The following KDM3A variants were observed in gnomAD, a reference collection of about 807,000 sequenced individuals.
The protein encoded by KDM3A is lysine demethylase 3A.
In KDM3A, 60 loss-of-function variants were observed where a neutral mutation model predicts 158.0. That is an observed-to-expected ratio of 0.38 (90% CI 0.31 to 0.47). KDM3A has a LOEUF of 0.47. KDM3A is among the 20% of genes least tolerant of loss of function. KDM3A has a pLI of 0.99. For missense variants in KDM3A, 1,319 were observed against 1,574.3 expected (o/e 0.84, Z 2.74); for synonymous variants, 608 against 549.3 (o/e 1.11, Z -1.49).
intron 15 of KDM3A, 142 bp downstream of exon 15, chr2:86,478,877 T>G (rs1411271771): frequency 3.9e-6 from 3 of 769,692 alleles, no homozygotes; most frequent in East Asian, 5.3e-5. Context: ...AAAGAATTCA[T>G]ACAGTTCATG....
At chr2:86,491,446 CAA>C in intron 25 of KDM3A, 171 bp downstream of exon 25, 1 of 632,120 alleles carries the variant, frequency 1.6e-6, no homozygotes, top group Middle Eastern at 4.4e-4. Context: ...GAGGGAGGAA[CAA>C]GAGGAAATCT....
chr2:86,441,044 A>C (rs1682672577), upstream of KDM3A: 1 of 152,434 alleles, frequency 6.6e-6, no homozygotes, highest in African/African-American at 2.4e-5. Flanking sequence ...CAAAGTTGAT[A>C]ACCGATTTCG....
intron 10 of KDM3A, among the ~76,000 whole-genome samples, chr2:86,468,095 C>T (rs1673238133): frequency 1.3e-5 from 2 of 152,184 alleles, no homozygotes; most frequent in Admixed American, 6.6e-5. Context: ...ATGAATATAT[C>T]TACACTATCT....
intron 20 of KDM3A, among the ~76,000 whole-genome samples, chr2:86,485,290 C>T (rs1424341915): frequency 2.6e-5 from 4 of 152,294 alleles, no homozygotes; most frequent in Admixed American, 6.5e-5. Context: ...AGAAGAGGCT[C>T]ACTTTTTCTT....
Position 86,481,950 on chromosome 2 carries a change from A to G in KDM3A, c.2533A>G (p.Ile845Val). 1 of 1,610,714 alleles carries G rather than the reference A, an allele frequency of 6.2e-7. No individual in the cohort carries two copies. Among genetic ancestry groups the G allele is most frequent in the South Asian group, 1.1e-5 (1 of 89,914 alleles). Reference protein sequence around the residue: ...ENKEKQPTMPILKNEIKCLPP... With the variant: ...ENKEKQPTMPVLKNEIKCLPP... The stretch of plus-strand genomic sequence containing the variant: ...TTTAGAAAAACAACCAACAATGCCA[A>G]TTTTAAAGAATGAAATCAAATGCCT... Residue 845 changes from isoleucine to valine, a missense_variant, in exon 17 of 26, where the codon ATT becomes GTT. Physicochemically the swap from Ile to Val is conservative, Grantham distance 29. This residue lies in a region of KDM3A where 368 missense variants were observed against 415.8 expected (regional missense o/e 0.89). Transcript: ENST00000312912.
chr2:86,482,542 T>C lies in KDM3A; in HGVS notation c.2770T>C (p.Ser924Pro), dbSNP rs777205065. ...LVQNKTTSDL[S>P]KRPQGLTIKP... ...GCAAAATAAGACGACTTCTGATTTA[T>C]CTAAGAGGCCTCAAGGACTAACCAT... Residue 924 changes from serine to proline, a missense_variant, in exon 18 of 26, where the codon TCT (serine) becomes CCT (proline). Ser to Pro is a moderately conservative substitution (Grantham distance 74). This residue lies in a region of KDM3A where 368 missense variants were observed against 415.8 expected (regional missense o/e 0.89). Coordinates refer to ENST00000312912, the MANE Select transcript of KDM3A (RefSeq NM_018433.6). 1.2e-5 allele frequency: 20 copies of C among 1,614,210 alleles called. No homozygotes were observed. The highest frequency in any genetic ancestry group is 1.6e-4 in the Middle Eastern group (1 of 6,062).
chr2:86,455,520 C>T (rs1672652680), intron 5 of KDM3A, among the ~76,000 whole-genome samples: 1 of 151,766 alleles, frequency 6.6e-6, no homozygotes, highest in South Asian at 2.1e-4. Context: ...CAAGTGTGAG[C>T]CATCACGCCG....
chr2:86,482,521 A>T lies in KDM3A; in HGVS notation c.2749A>T (p.Asn917Tyr). 1 of 1,614,196 alleles carries T rather than the reference A, an allele frequency of 6.2e-7. No individual in the cohort carries two copies. Among genetic ancestry groups the T allele is most frequent in the Non-Finnish European group, 8.5e-7 (1 of 1,180,032 alleles). The change falls in exon 18 of 26, where the codon AAT (asparagine) becomes TAT (tyrosine). Residue 917 changes from asparagine (N) to tyrosine (Y), a missense_variant. Coordinates refer to ENST00000312912, the MANE Select transcript of KDM3A (RefSeq NM_018433.6). ...LDDIFASLVQ[N>Y]KTTSDLSKRP... is the part of the protein sequence containing the mutation. ...TGACATCTTTGCCTCTTTGGTGCAAAATAAGACGACTTCTGATTTATCTAA... is the reference window on the plus strand; with the variant it reads ...TGACATCTTTGCCTCTTTGGTGCAATATAAGACGACTTCTGATTTATCTAA...
At chr2:86,474,742 T>TGTGTGA in intron 11 of KDM3A, 34 bp from the exon 12 acceptor site, 6 of 1,083,106 alleles carry the variant, frequency 5.5e-6, no homozygotes, top group Non-Finnish European at 8.5e-6. Flanking sequence ...TGTGTGTGTG[T>TGTGTGA]ACATTACATC....
chr2:86,483,874 C>T (rs897885187), intron 18 of KDM3A, 113 bp from the exon 19 acceptor site: 50 of 844,876 alleles, frequency 5.9e-5, no homozygotes, highest in Non-Finnish European at 7.2e-5. Flanking sequence ...CCATCTGAGA[C>T]GGAGCACCAG....
intron 5 of KDM3A, among the ~76,000 whole-genome samples, chr2:86,455,983 AAAG>A (rs1161402679): frequency 3.6e-4 from 54 of 151,948 alleles, no homozygotes; most frequent in African/African-American, 1.3e-3. Context: ...AGAAAAGAAA[AAAG>A]ATATTTTTAA....
upstream of KDM3A, among the ~76,000 whole-genome samples, chr2:86,439,572 G>C (rs922980125): frequency 2.0e-5 from 3 of 151,848 alleles, no homozygotes; most frequent in Non-Finnish European, 4.4e-5. Flanking sequence ...TTTTTCCCTT[G>C]AGTTGTTTTT....
chr2:86,466,449 A>G lies in KDM3A; in HGVS notation c.1085A>G (p.Asp362Gly), dbSNP rs147819585. The G allele has an allele frequency of 5.8e-4, 928 of 1,613,862 alleles. 1 individual carries two copies. Among genetic ancestry groups the G allele is most frequent in the Non-Finnish European group, 7.5e-4 (884 of 1,179,808 alleles). Residue 362 changes from aspartate to glycine, a missense_variant, in exon 10 of 26, where the codon GAT becomes GGT. Asp to Gly is a moderately conservative substitution (Grantham distance 94). This residue lies in a region of KDM3A where 652 missense variants were observed against 627.2 expected (regional missense o/e 1.04). Transcript: ENST00000312912. ...TKSEALRTKP[D>G]VCKAGLLSKS... ...TCTGAAGCTCTGAGAACAAAACCAGATGTCTGCAAAGCAGGGTTGCTCTCA... is the reference window on the plus strand; with the variant it reads ...TCTGAAGCTCTGAGAACAAAACCAGGTGTCTGCAAAGCAGGGTTGCTCTCA...
intron 3 of KDM3A, among the ~76,000 whole-genome samples, chr2:86,450,431 G>T (rs1672396292): frequency 6.6e-6 from 1 of 152,130 alleles, no homozygotes; most frequent in South Asian, 2.1e-4. Context: ...TTCCAGTCTT[G>T]ATCTTATGAT....
chr2:86,442,482 C>T, intron 2 of KDM3A: 2 of 416,848 alleles, frequency 4.8e-6, no homozygotes, highest in Non-Finnish European at 8.7e-6. Context: ...TTCATTAATG[C>T]CGGTGCTGTG....
At chr2:86,455,529 C>T (rs146611930) in intron 5 of KDM3A, among the ~76,000 whole-genome samples, 145 of 151,874 alleles carry the variant, frequency 9.5e-4, no homozygotes, top group Middle Eastern at 3.4e-3. Flanking sequence ...GCCATCACGC[C>T]GGGCCATTTC....
intron 2 of KDM3A, among the ~76,000 whole-genome samples, chr2:86,444,777 T>TA (rs1276730302): frequency 2.6e-5 from 4 of 152,146 alleles, no homozygotes; most frequent in African/African-American, 4.8e-5. Context: ...TTTAGATAGT[T>TA]ATGGATGATA....
rs528254880 is a variant in KDM3A at position 86,473,817 on chromosome 2, C to T, written c.1725-959C>T. 7.2e-5 allele frequency among the ~76,000 whole-genome samples: 11 copies of T among 152,296 alleles called. No individual in the cohort carries two copies. The East Asian group carries it at 2.1e-3, about 29-fold the overall frequency. On this transcript the variant is annotated intron_variant, in intron 11 of 25. Transcript: ENST00000312912. ...ATACATAGCTTATGAAAAGAACATT[C>T]AAGTGTTATACAGTATTGAAGGCAG...
intron 8 of KDM3A, among the ~76,000 whole-genome samples, chr2:86,458,559 G>A (rs1019747923): frequency 6.6e-6 from 1 of 152,190 alleles, no homozygotes; most frequent in Non-Finnish European, 1.5e-5. Flanking sequence ...TGGAGTTCCT[G>A]TCTCAGATTC....
Sources: gnomAD v4.1 joint callset for allele counts (sites outside exome capture counted in the v4.1 genomes callset) on GRCh38, gnomAD v4.1.1 for gene constraint, gnomAD v4.1.1 regional missense constraint, MANE v1.5 for transcripts, NCBI Gene and HGNC (gene_info 2026-07-23, HGNC 2026-07-21) for gene names.